Variants in AGXT2 observed in about 807,000 individuals in gnomAD.
The protein encoded by AGXT2 is alanine--glyoxylate aminotransferase 2, mitochondrial.
In AGXT2, 61 loss-of-function variants were observed where a neutral mutation model predicts 62.5. The observed-to-expected ratio is 0.98, with a 90% CI of 0.79 to 1.21. The LOEUF is 1.21. AGXT2 is among the 50% of genes most tolerant of loss of function. AGXT2 has a pLI of 0.00. For missense variants in AGXT2, 666 were observed against 641.5 expected, an observed-to-expected ratio of 1.04 and a Z score of -0.41; for synonymous variants, 243 against 218.7, an observed-to-expected ratio of 1.11 and a Z score of -0.98.
chr5:35,025,332 G>A (rs868482776), intron 9 of AGXT2, among the ~76,000 whole-genome samples: 1 of 152,200 alleles, frequency 6.6e-6, no homozygotes, highest in South Asian at 2.1e-4. Context: ...AGTCGAGATT[G>A]TACCACTGTA....
intron 12 of AGXT2, among the ~76,000 whole-genome samples, chr5:35,006,378 C>T (rs2112175544): frequency 6.6e-6 from 1 of 152,260 alleles, no homozygotes; most frequent in South Asian, 2.1e-4. Flanking sequence ...TTAATTGGCT[C>T]ACAGTTCTAC....
Position 35,001,945 on chromosome 5 carries a change from G to T in AGXT2, c.1437+1818C>A, listed in dbSNP as rs936142288. On this transcript the variant is annotated intron_variant, in intron 13 of 13. Coordinates refer to ENST00000231420, the MANE Select transcript of AGXT2 (RefSeq NM_031900.4). ...GAAGGACCAGATCTTATTTATCACC[G>T]TATTAGGTTGGTGCAAAAGTAATTG... Among the ~76,000 whole-genome samples, 5 of 151,982 alleles carry T rather than the reference G, an allele frequency of 3.3e-5. No homozygotes were observed. In the East Asian group the frequency reaches 5.8e-4, roughly 18 times the overall value.
intron 1 of AGXT2, among the ~76,000 whole-genome samples, chr5:35,042,768 G>A (rs1342015296): frequency 2.0e-5 from 3 of 151,170 alleles, no homozygotes; most frequent in East Asian, 1.9e-4. Flanking sequence ...GTGTGTGTGT[G>A]TGTGTAAGAG....
At chr5:35,028,162 C>T (rs1039087902) in intron 7 of AGXT2, among the ~76,000 whole-genome samples, 2 of 151,996 alleles carry the variant, frequency 1.3e-5, no homozygotes, top group African/African-American at 4.8e-5. Context: ...AAGGGGGCTG[C>T]AGTGCCGTAA....
chr5:35,029,823 G>A (rs1042895471), intron 7 of AGXT2, among the ~76,000 whole-genome samples: 3 of 152,078 alleles, frequency 2.0e-5, no homozygotes, highest in African/African-American at 7.2e-5. Context: ...ATGAACCCCT[G>A]GGGAAAAAAT....
chr5:35,019,321 G>C (rs1235739020), intron 9 of AGXT2, among the ~76,000 whole-genome samples: 1 of 149,110 alleles, frequency 6.7e-6, no homozygotes, highest in Non-Finnish European at 1.5e-5. Flanking sequence ...CACATACTTG[G>C]AAGTAAAGCT....
intron 7 of AGXT2, among the ~76,000 whole-genome samples, chr5:35,028,610 AG>A (rs753849390): frequency 0.13 from 7,516 of 59,190 alleles, 1,282 homozygotes; most frequent in Non-Finnish European, 0.17. Context: ...AGAGAGAGAG[AG>A]AGAGAGAGAA....
intron 12 of AGXT2, among the ~76,000 whole-genome samples, chr5:35,004,957 A>C (rs181844534): frequency 6.6e-6 from 1 of 152,326 alleles, no homozygotes; most frequent in Admixed American, 6.5e-5. Flanking sequence ...TTCTGTCTTA[A>C]AGCCTTAACA....
In AGXT2 at chr5:35,031,009, G is replaced by C. The variant is rs1416545119; in HGVS notation, c.769+1723C>G. 3.9e-5 allele frequency among the ~76,000 whole-genome samples: 6 copies of C among 152,230 alleles called. No homozygotes were observed. In the East Asian group the frequency reaches 1.2e-3, roughly 29 times the overall value. Reference sequence around the variant, plus strand: ...TACAAATGAGAAAACTGAAGCAAAAGGTGAAGCTTTTGCTCATAGCTGAAC... The same window carrying C: ...TACAAATGAGAAAACTGAAGCAAAACGTGAAGCTTTTGCTCATAGCTGAAC... On this transcript the variant is annotated intron_variant, in intron 7 of 13. Coordinates refer to ENST00000231420, the MANE Select transcript of AGXT2 (RefSeq NM_031900.4).
intron 9 of AGXT2, among the ~76,000 whole-genome samples, chr5:35,016,343 A>T (rs1309432754): frequency 1.3e-5 from 2 of 152,198 alleles, no homozygotes; most frequent in Non-Finnish European, 2.9e-5. Flanking sequence ...TTATCTCTGC[A>T]TATAGGCTAA....
chr5:35,026,729 A>C (rs1409885895), intron 7 of AGXT2, among the ~76,000 whole-genome samples: 1 of 152,186 alleles, frequency 6.6e-6, no homozygotes, highest in Non-Finnish European at 1.5e-5. Flanking sequence ...GAGGGAGATT[A>C]AGATAGCCAT....
At chr5:35,025,545 A>G (rs186823207) in intron 9 of AGXT2, among the ~76,000 whole-genome samples, 2 of 152,348 alleles carry the variant, frequency 1.3e-5, no homozygotes, top group African/African-American at 2.4e-5. Flanking sequence ...ATAGACATCA[A>G]TTTGGAGATT....
At chr5:35,009,860 T>A (rs1766561513) in intron 12 of AGXT2, 140 bp downstream of exon 12, 1 of 1,139,148 alleles carries the variant, frequency 8.8e-7, no homozygotes, top group South Asian at 1.3e-5. Flanking sequence ...CACTCTCTAC[T>A]AATCTCTAAA....
At chr5:35,003,938 G>A (rs564108106) in intron 12 of AGXT2, 77 bp from the exon 13 acceptor site, 12 of 1,401,786 alleles carry the variant, frequency 8.6e-6, no homozygotes, top group South Asian at 3.6e-5. Flanking sequence ...GAGGAAAAAA[G>A]AAAAACCCTT....
At chr5:35,018,866 A>T (rs1766953441) in intron 9 of AGXT2, among the ~76,000 whole-genome samples, 1 of 145,026 alleles carries the variant, frequency 6.9e-6, no homozygotes, top group South Asian at 2.2e-4. Context: ...TCAAAATAAA[A>T]GGATGGAGGA....
intron 13 of AGXT2, among the ~76,000 whole-genome samples, chr5:34,999,968 C>T (rs1030886708): frequency 6.6e-6 from 1 of 152,202 alleles, no homozygotes. Flanking sequence ...CCAATCTAGA[C>T]CACACCAAAT....
rs1290343200 is a variant in AGXT2 at position 35,003,789 on chromosome 5, C to T, written c.1411G>A (p.Val471Ile). 9 of 1,614,048 alleles carry T rather than the reference C, an allele frequency of 5.6e-6. No homozygotes were observed. Among genetic ancestry groups the T allele is most frequent in the Non-Finnish European group, 7.6e-6 (9 of 1,180,034 alleles). The change falls in exon 13 of 14, where the codon GTT becomes ATT. Residue 471 changes from valine (V) to isoleucine (I), a missense_variant. Val to Ile is a conservative substitution (Grantham distance 29). Transcript: ENST00000231420. The stretch of plus-strand genomic sequence containing the variant: ...TGAGAAAAAATGCTGCCTCTGCCAA[C>T]GAGGAGTCCCATGTGCTTGCAGTCC... ...HEDCKHMGLL[V>I]GRGSIFSQTF...
rs776375099 is a variant in AGXT2 at position 35,010,042 on chromosome 5, T to C, written c.1296A>G (p.Arg432=). The C allele has an allele frequency of 1.5e-5, 25 of 1,614,132 alleles. No individual in the cohort carries two copies. Among genetic ancestry groups the C allele is most frequent in the Non-Finnish European group, 2.1e-5 (25 of 1,180,052 alleles). ...CTATGCCTATCATGAGACCTTTGCC[T>C]CGGACGTCTCCAACAATTTCAAATT... ...RDEFEIVGDV[R]GKGLMIGIEM... Residue 432 remains arginine, a synonymous_variant, in exon 12 of 14, where the codon CGA becomes CGG. Coordinates refer to ENST00000231420, the MANE Select transcript of AGXT2 (RefSeq NM_031900.4).
chr5:35,040,491 T>G, intron 2 of AGXT2, 84 bp downstream of exon 2: 1 of 1,306,126 alleles, frequency 7.7e-7, no homozygotes, highest in Non-Finnish European at 1.1e-6. Context: ...AGGGCTATTT[T>G]TGTGTCATTC....
Sources: gnomAD v4.1 joint callset for allele counts (sites outside exome capture counted in the v4.1 genomes callset) on GRCh38, gnomAD v4.1.1 for gene constraint, MANE v1.5 for transcripts, NCBI Gene and HGNC (gene_info 2026-07-23, HGNC 2026-07-21) for gene names.